Variants in PRUNE2 observed in about 807,000 individuals in gnomAD.
PRUNE2 encodes prune homolog 2 with BCH domain, also known as protein prune homolog 2.
Under a neutral mutation model 252.0 loss-of-function variants are expected in PRUNE2, and 164 were observed. The ratio of observed to expected loss-of-function variants is 0.65; its 90% CI spans 0.57 to 0.74. PRUNE2 has a LOEUF of 0.74. Ranked by LOEUF, PRUNE2 falls within the 30% of genes least tolerant of loss-of-function variation. The pLI is 0.00. For missense variants in PRUNE2, 3,495 were observed against 3,711.0 expected, an observed-to-expected ratio of 0.94 and a Z score of 1.51; for synonymous variants, 1,292 against 1,350.2, an observed-to-expected ratio of 0.96 and a Z score of 0.94.
intron 9 of PRUNE2, among the ~76,000 whole-genome samples, chr9:76,680,816 C>T (rs1013814550): frequency 6.6e-6 from 1 of 152,130 alleles, no homozygotes; most frequent in Non-Finnish European, 1.5e-5. Flanking sequence ...GAAAGCAAGG[C>T]ACATCTTACA....
intron 17 of PRUNE2, among the ~76,000 whole-genome samples, chr9:76,622,205 T>C (rs1052166196): frequency 2.0e-5 from 3 of 152,288 alleles, no homozygotes; most frequent in East Asian, 1.9e-4. Context: ...GGCACGAGCA[T>C]AGTGCTTCCT....
intron 17 of PRUNE2, among the ~76,000 whole-genome samples, chr9:76,624,012 G>A (rs1833580896): frequency 6.6e-6 from 1 of 152,188 alleles, no homozygotes; most frequent in Non-Finnish European, 1.5e-5. Context: ...AAGTCATTAA[G>A]TAAGTTGTTG....
At chr9:76,636,926 A>G (rs973498176) in intron 14 of PRUNE2, among the ~76,000 whole-genome samples, 2 of 151,876 alleles carry the variant, frequency 1.3e-5, no homozygotes, top group African/African-American at 2.4e-5. Context: ...ACTGCACTCC[A>G]GCCTAGGCAA....
intron 4 of PRUNE2, among the ~76,000 whole-genome samples, chr9:76,833,784 A>C (rs1300512356): frequency 1.3e-5 from 2 of 151,626 alleles, no homozygotes; most frequent in South Asian, 2.1e-4. Context: ...ATAAATAAAA[A>C]ATTTAAAAAA....
intron 15 of PRUNE2, among the ~76,000 whole-genome samples, chr9:76,631,679 C>T (rs958637526): frequency 1.3e-5 from 2 of 152,170 alleles, no homozygotes; most frequent in Non-Finnish European, 1.5e-5. Flanking sequence ...CTAATTTTTT[C>T]CCCCAGCTTT....
chr9:76,676,006 C>G (rs578076501), intron 9 of PRUNE2, among the ~76,000 whole-genome samples: 108 of 149,702 alleles, frequency 7.2e-4, no homozygotes, highest in South Asian at 4.3e-3. Context: ...CATGGCACAT[C>G]TATACGTATG....
intron 18 of PRUNE2, among the ~76,000 whole-genome samples, chr9:76,618,955 T>C (rs1035669197): frequency 1.3e-5 from 2 of 152,152 alleles, no homozygotes; most frequent in African/African-American, 4.8e-5. Flanking sequence ...ACAAGCACAT[T>C]TTCTCTCCAT....
intron 1 of PRUNE2, among the ~76,000 whole-genome samples, chr9:76,883,704 T>C (rs2061924874): frequency 6.6e-6 from 1 of 152,232 alleles, no homozygotes; most frequent in East Asian, 1.9e-4. Flanking sequence ...GCAGACGTTA[T>C]TCCAGGAAAA....
chr9:76,803,651 A>C (rs977140032), intron 6 of PRUNE2, among the ~76,000 whole-genome samples: 1 of 152,066 alleles, frequency 6.6e-6, no homozygotes. Context: ...CTGCTGGTGG[A>C]AGGGGATGTG....
intron 4 of PRUNE2, among the ~76,000 whole-genome samples, chr9:76,842,987 A>T (rs2059473991): frequency 6.6e-6 from 1 of 152,208 alleles, no homozygotes; most frequent in Non-Finnish European, 1.5e-5. Flanking sequence ...TATATACCCA[A>T]AGGATTATAA....
chr9:76,752,663 A>G (rs1309813408), intron 6 of PRUNE2, among the ~76,000 whole-genome samples: 2 of 152,228 alleles, frequency 1.3e-5, no homozygotes, highest in African/African-American at 4.8e-5. Flanking sequence ...CGCTCTGAGC[A>G]TATCACAGGG....
intron 9 of PRUNE2, among the ~76,000 whole-genome samples, chr9:76,657,487 C>T (rs1340156690): frequency 6.6e-6 from 1 of 152,132 alleles, no homozygotes; most frequent in Non-Finnish European, 1.5e-5. Flanking sequence ...GAATTATGGG[C>T]AACATCATGG....
intron 6 of PRUNE2, 161 bp downstream of exon 6, chr9:76,823,471 T>G (rs754151456): frequency 1.6e-6 from 1 of 628,704 alleles, no homozygotes; most frequent in Non-Finnish European, 2.9e-6. Flanking sequence ...AGCATAGTGT[T>G]TTCACCCAAA....
chr9:76,624,423 C>T, intron 17 of PRUNE2, 29 bp downstream of exon 17: 1 of 1,391,226 alleles, frequency 7.2e-7, no homozygotes, highest in Non-Finnish European at 9.4e-7. Flanking sequence ...CAACATCATG[C>T]CAGCCGCTAA....
At chr9:76,843,886 A>G (rs1443139811) in intron 4 of PRUNE2, among the ~76,000 whole-genome samples, 3 of 151,518 alleles carry the variant, frequency 2.0e-5, no homozygotes, top group Non-Finnish European at 2.9e-5. Context: ...CCGCCACCAC[A>G]CCGGCTAATT....
chr9:76,727,253 A>G (rs1284464384), intron 6 of PRUNE2, among the ~76,000 whole-genome samples: 3 of 152,096 alleles, frequency 2.0e-5, no homozygotes, highest in Non-Finnish European at 4.4e-5. Flanking sequence ...ACAGCAGGAG[A>G]CTCTTAGGAG....
chr9:76,855,247 C>T (rs1379396920), intron 1 of PRUNE2, among the ~76,000 whole-genome samples: 1 of 151,762 alleles, frequency 6.6e-6, no homozygotes, highest in Non-Finnish European at 1.5e-5. Context: ...GCAAAACTAT[C>T]CAATACAGAT....
intron 1 of PRUNE2, among the ~76,000 whole-genome samples, chr9:76,890,768 A>AC (rs1456854396): frequency 6.6e-6 from 1 of 152,046 alleles, no homozygotes; most frequent in African/African-American, 2.4e-5. Context: ...TTCTCTAAAA[A>AC]AAAAATCATA....
intron 6 of PRUNE2, among the ~76,000 whole-genome samples, chr9:76,772,569 CTT>C (rs2053233748): frequency 6.6e-6 from 1 of 152,052 alleles, no homozygotes; most frequent in East Asian, 1.9e-4. Context: ...AAATTATTTT[CTT>C]TCTTTTTTTT....
Sources: gnomAD v4.1 joint callset for allele counts (sites outside exome capture counted in the v4.1 genomes callset) on GRCh38, gnomAD v4.1.1 for gene constraint, MANE v1.5 for transcripts, NCBI Gene and HGNC (gene_info 2026-07-23, HGNC 2026-07-21) for gene names.